Variants in MYBL2 observed in about 807,000 individuals in gnomAD.
MYBL2 encodes myb-related protein B.
MYBL2 carries 28 observed loss-of-function variants against 79.9 expected under a neutral mutation model. That is an observed-to-expected ratio of 0.35 (90% CI 0.26 to 0.48). The LOEUF (loss-of-function observed/expected upper bound fraction) is 0.48, where lower values mean the gene tolerates loss of function less well. Ranked by LOEUF, MYBL2 falls within the 20% of genes least tolerant of loss-of-function variation. The pLI, the probability that MYBL2 is intolerant of heterozygous loss-of-function variation, is 0.99. For synonymous variants in MYBL2, 378 were observed against 361.2 expected (o/e 1.05, Z -0.53); for missense variants, 735 against 893.9 (o/e 0.82, Z 2.27).
chr20:43,714,687 G>A (rs1600568737), intron 12 of MYBL2, among the ~76,000 whole-genome samples: 1 of 151,976 alleles, frequency 6.6e-6, no homozygotes, highest in African/African-American at 2.4e-5. Flanking sequence ...GAATGCAGTG[G>A]TGCAATCTCG....
chr20:43,676,810 G>A (rs1479173423), intron 2 of MYBL2, among the ~76,000 whole-genome samples: 1 of 149,854 alleles, frequency 6.7e-6, no homozygotes, highest in Non-Finnish European at 1.5e-5. Context: ...CAGTTCTTCA[G>A]TGTTTTTTGT....
intron 6 of MYBL2, among the ~76,000 whole-genome samples, chr20:43,697,633 A>G (rs1464787812): frequency 1.4e-5 from 2 of 141,640 alleles, no homozygotes; most frequent in African/African-American, 2.7e-5. Flanking sequence ...GCTGGGCGCA[A>G]TGGCTCACGC....
chr20:43,681,932 A>G, intron 3 of MYBL2, 77 bp downstream of exon 3: 1 of 1,496,568 alleles, frequency 6.7e-7, no homozygotes, highest in Non-Finnish European at 9.2e-7. Flanking sequence ...AGACTTTGCC[A>G]AGGAGGGGAA....
intron 6 of MYBL2, among the ~76,000 whole-genome samples, chr20:43,698,661 ATTTTTTTTTT>A (rs1188859456): frequency 8.6e-6 from 1 of 115,918 alleles, no homozygotes; most frequent in Non-Finnish European, 1.8e-5. Flanking sequence ...TACAGGCGTG[ATTTTTTTTTT>A]TTTTTTTTTT....
chr20:43,702,347 A>G, intron 7 of MYBL2, 143 bp from the exon 8 acceptor site: 1 of 918,042 alleles, frequency 1.1e-6, no homozygotes, highest in East Asian at 2.4e-5. Flanking sequence ...AGTCATAGAA[A>G]ACTTTGAGGA....
chr20:43,685,821 TGAG>T (rs1568857199), intron 4 of MYBL2, among the ~76,000 whole-genome samples: 1 of 151,910 alleles, frequency 6.6e-6, no homozygotes, highest in East Asian at 2.0e-4. Context: ...GCGGATCACC[TGAG>T]GTCGGGAGTT....
chr20:43,710,142 C>A (rs1987873886), intron 10 of MYBL2, 80 bp downstream of exon 10: 1 of 1,136,202 alleles, frequency 8.8e-7, no homozygotes, highest in Non-Finnish European at 1.2e-6. Context: ...GTCCACAGGA[C>A]CCTTCCCTCT....
At chr20:43,707,505 C>T (rs1352010929) in intron 9 of MYBL2, among the ~76,000 whole-genome samples, 2 of 152,150 alleles carry the variant, frequency 1.3e-5, no homozygotes, top group Admixed American at 1.3e-4. Context: ...CATCCTTTAA[C>T]CATGTAGTGT....
At chr20:43,679,596 C>T (rs867122604) in intron 2 of MYBL2, among the ~76,000 whole-genome samples, 9 of 151,926 alleles carry the variant, frequency 5.9e-5, no homozygotes, top group African/African-American at 9.7e-5. Flanking sequence ...TAGCAAGACC[C>T]TATCATTAAA....
At chr20:43,710,187 C>T (rs1435756948) in intron 10 of MYBL2, 125 bp downstream of exon 10, 2 of 748,390 alleles carry the variant, frequency 2.7e-6, no homozygotes, top group East Asian at 3.0e-5. Flanking sequence ...TGAGAAGATG[C>T]AGAGATCCTG....
intron 7 of MYBL2, among the ~76,000 whole-genome samples, chr20:43,702,083 C>T (rs1292856805): frequency 6.6e-6 from 1 of 152,086 alleles, no homozygotes; most frequent in African/African-American, 2.4e-5. Context: ...GCCGAGGTTG[C>T]ACCACTGCAC....
chr20:43,691,305 AT>A (rs1488370750), intron 5 of MYBL2, among the ~76,000 whole-genome samples: 3 of 152,094 alleles, frequency 2.0e-5, no homozygotes, highest in African/African-American at 7.2e-5. Context: ...TTTTTAAAAA[AT>A]TTAAAATTTT....
intron 9 of MYBL2, among the ~76,000 whole-genome samples, chr20:43,707,088 G>A (rs1377861242): frequency 6.6e-6 from 1 of 151,698 alleles, no homozygotes; most frequent in Non-Finnish European, 1.5e-5. Context: ...GCTGAAGTGG[G>A]AGGATTGCTT....
intron 6 of MYBL2, among the ~76,000 whole-genome samples, chr20:43,692,765 CTCTA>C (rs1223773798): frequency 6.6e-6 from 1 of 151,946 alleles, no homozygotes. Context: ...GAAACCTTGT[CTCTA>C]TCTTTTTAAT....
intron 4 of MYBL2, among the ~76,000 whole-genome samples, chr20:43,684,882 C>T (rs113267305): frequency 6.6e-6 from 1 of 150,382 alleles, no homozygotes; most frequent in Admixed American, 6.6e-5. Context: ...CGTGGTGGCT[C>T]ACACCTGTAA....
intron 10 of MYBL2, among the ~76,000 whole-genome samples, chr20:43,710,681 C>T (rs1418990300): frequency 6.6e-6 from 1 of 152,178 alleles, no homozygotes; most frequent in Non-Finnish European, 1.5e-5. Flanking sequence ...GGTCCCCCTG[C>T]TGTCTCTCTC....
At chr20:43,683,782 C>A (rs188122104) in intron 4 of MYBL2, among the ~76,000 whole-genome samples, 1,770 of 152,088 alleles carry the variant, frequency 0.012, 17 homozygotes, top group African/African-American at 0.029. Flanking sequence ...TCTTGAACTC[C>A]TGACCTCGTG....
chr20:43,677,679 G>T (rs1345304836), intron 2 of MYBL2, among the ~76,000 whole-genome samples: 1 of 150,790 alleles, frequency 6.6e-6, no homozygotes, highest in Non-Finnish European at 1.5e-5. Flanking sequence ...TGGGAGGGAG[G>T]TGGGGGGGTC....
chr20:43,673,579 G>A (rs1986919400), intron 1 of MYBL2: 2 of 598,492 alleles, frequency 3.3e-6, no homozygotes, highest in Non-Finnish European at 6.3e-6. Flanking sequence ...CAAGGCTGCA[G>A]TGAGCTACGA....
Sources: allele counts gnomAD v4.1 joint callset (sites outside exome capture counted in the v4.1 genomes callset), GRCh38; gene constraint gnomAD v4.1.1; transcripts MANE v1.5; gene names NCBI Gene and HGNC (gene_info 2026-07-23, HGNC 2026-07-21).